RPH3AL: variants seen among roughly 807,000 people sequenced by gnomAD.
RPH3AL encodes rabphilin 3A like (without C2 domains).
In RPH3AL, 38 loss-of-function variants were observed where a neutral mutation model predicts 43.1. The observed-to-expected ratio is 0.88, with a 90% CI of 0.68 to 1.15. The LOEUF is 1.15. RPH3AL is among the 50% of genes most tolerant of loss of function. The pLI is 0.00. For missense variants in RPH3AL, 462 were observed against 423.2 expected (o/e 1.09, Z -0.81); for synonymous variants, 189 against 176.3 (o/e 1.07, Z -0.57).
Position 322,685 on chromosome 17 carries a change from G to A in RPH3AL, c.78-1270C>T, listed in dbSNP as rs937576498. Among the ~76,000 whole-genome samples the A allele has an allele frequency of 2.0e-5, 3 of 152,154 alleles. No homozygotes were observed. Among genetic ancestry groups the A allele is most frequent in the African/African-American group, 7.2e-5 (3 of 41,430 alleles). On this transcript the variant is annotated intron_variant, in intron 3 of 9. Transcript: ENST00000331302. This position sits in a 1 kb window ranked among gnomAD's most constrained non-coding sequence, Gnocchi z 4.0. The stretch of plus-strand genomic sequence containing the variant: ...GAGGCAGGACCTAGGGCAGCAGGCT[G>A]AGGGAGGCGGACCCTTTCCTGGGGG...
chr17:271,484 T>A (rs2042462233), intron 6 of RPH3AL, among the ~76,000 whole-genome samples: 1 of 152,186 alleles, frequency 6.6e-6, no homozygotes, highest in Admixed American at 6.6e-5. Flanking sequence ...CTTGAAGAGG[T>A]CCTTCACATC....
At chr17:269,558 C>T (rs76592077) in intron 6 of RPH3AL, among the ~76,000 whole-genome samples, 2,487 of 152,268 alleles carry the variant, frequency 0.016, 73 homozygotes, top group African/African-American at 0.055. Flanking sequence ...AAGACGCATC[C>T]GGCTTCATCC....
In RPH3AL at chr17:321,429, A is replaced by G; in HGVS notation, c.78-14T>C. 1 of 1,589,278 alleles carries G rather than the reference A, an allele frequency of 6.3e-7. No homozygotes were observed. The highest frequency in any genetic ancestry group is 8.6e-7 in the Non-Finnish European group (1 of 1,168,718). On this transcript the variant is annotated splice_polypyrimidine_tract_variant and intron_variant, in intron 3 of 9. Transcript: ENST00000331302. ...CCCGTCTGCAGCCTCGAGAGGGAACAGCACAGACGGCGTGGAGGCCTCCCC... is the reference window on the plus strand; with the variant it reads ...CCCGTCTGCAGCCTCGAGAGGGAACGGCACAGACGGCGTGGAGGCCTCCCC...
chr17:297,968 C>T (rs116674026), intron 5 of RPH3AL, among the ~76,000 whole-genome samples: 1,548 of 152,270 alleles, frequency 0.01, 12 homozygotes, highest in African/African-American at 0.024. Context: ...CCCTGGCCCC[C>T]ACCTCTCTCT....
intron 6 of RPH3AL, among the ~76,000 whole-genome samples, chr17:271,450 G>A (rs143298792): frequency 3.9e-5 from 6 of 152,054 alleles, no homozygotes; most frequent in East Asian, 1.9e-4. Flanking sequence ...CTCTTATTTT[G>A]TTGAGCAGTG....
chr17:319,599 C>G, intron 4 of RPH3AL, 50 bp from the exon 5 acceptor site: 1 of 1,600,860 alleles, frequency 6.2e-7, no homozygotes, highest in Non-Finnish European at 8.5e-7. Context: ...TGCCTGGGCA[C>G]AGTTGCACTG....
Position 215,386 on chromosome 17 carries a change from G to A in RPH3AL, c.876+268C>T, listed in dbSNP as rs1170246230. 1.2e-4 allele frequency among the ~76,000 whole-genome samples: 19 copies of A among 152,184 alleles called. No homozygotes were observed. The highest frequency in any genetic ancestry group is 3.3e-4 in the Admixed American group (5 of 15,286). On this transcript the variant is annotated intron_variant, in intron 9 of 9. Coordinates refer to ENST00000331302, the MANE Select transcript of RPH3AL (RefSeq NM_006987.4). This position sits in a 1 kb window ranked among gnomAD's most constrained non-coding sequence, Gnocchi z 4.1. Reference sequence around the variant, plus strand: ...ATGAAAGTTCGCCCCAGGGGAGCCCGACACGTTTTATGTAGCAGAGGATGG... The same window carrying A: ...ATGAAAGTTCGCCCCAGGGGAGCCCAACACGTTTTATGTAGCAGAGGATGG...
At chr17:257,041 A>G (rs1314548540) in intron 6 of RPH3AL, among the ~76,000 whole-genome samples, 1 of 19,564 alleles carries the variant, frequency 5.1e-5, no homozygotes, top group African/African-American at 1.5e-4. Flanking sequence ...TACCCTACGT[A>G]CTTCCTATGA....
At chr17:275,302 T>C (rs2042628113) in intron 6 of RPH3AL, among the ~76,000 whole-genome samples, 1 of 149,252 alleles carries the variant, frequency 6.7e-6, no homozygotes, top group Non-Finnish European at 1.5e-5. Context: ...GATAAATAGG[T>C]ACGTATTTTT....
chr17:335,259 ATGCAGGG>A (rs1350001952), intron 1 of RPH3AL, among the ~76,000 whole-genome samples: 2 of 152,132 alleles, frequency 1.3e-5, no homozygotes, highest in African/African-American at 4.8e-5. Context: ...AAAGGAAATG[ATGCAGGG>A]TGAACAGTGG....
intron 6 of RPH3AL, among the ~76,000 whole-genome samples, chr17:250,278 A>G (rs1555541925): frequency 9.3e-6 from 1 of 107,992 alleles, no homozygotes; most frequent in African/African-American, 3.7e-5. Context: ...GACCTCTCAG[A>G]GCCTTTACCA....
At chr17:249,857 T>A (rs2041846860) in intron 6 of RPH3AL, among the ~76,000 whole-genome samples, 1 of 149,926 alleles carries the variant, frequency 6.7e-6, no homozygotes, top group Admixed American at 6.6e-5. Context: ...CCAAGCTCCG[T>A]CGCTGCAGGA....
chr17:224,987 A>C (rs1332814590), intron 7 of RPH3AL, among the ~76,000 whole-genome samples: 1 of 141,082 alleles, frequency 7.1e-6, no homozygotes, highest in African/African-American at 2.6e-5. Flanking sequence ...GGGGGGAGGG[A>C]TAGCGTTAGG....
chr17:328,734 GATTATTATTTACAATGGATT>G lies in RPH3AL; in HGVS notation c.-36-1175_-36-1156del, dbSNP rs2044676713. On this transcript the variant is annotated intron_variant, in intron 2 of 9. Coordinates refer to ENST00000331302, the MANE Select transcript of RPH3AL (RefSeq NM_006987.4). The surrounding 1 kb of genome is among the most constrained non-coding windows in gnomAD (Gnocchi z 4.2). Reference sequence around the variant, plus strand: ...TTACAATGGATTATGATTTACAATGGATTATTATTTACAATGGATTATTATTATTTACAATGGAGTATGAT... The same window carrying G: ...TTACAATGGATTATGATTTACAATGGATTATTATTTACAATGGAGTATGAT... 6.6e-6 allele frequency among the ~76,000 whole-genome samples: 1 copy of G among 152,056 alleles called. No homozygotes were observed. Among genetic ancestry groups the G allele is most frequent in the African/African-American group, 2.4e-5 (1 of 41,386 alleles).
chr17:320,936 C>T lies in RPH3AL; in HGVS notation c.221+336G>A, dbSNP rs973351127. Among the ~76,000 whole-genome samples, 3 of 152,178 alleles carry T rather than the reference C, an allele frequency of 2.0e-5. No individual in the cohort carries two copies. In the East Asian group the frequency reaches 5.8e-4, roughly 29 times the overall value. The stretch of plus-strand genomic sequence containing the variant: ...CTGTGGCTTGGCCTCCACCTGAACC[C>T]CTCCCTTGGCTGAACCACAGCTGAC... On this transcript the variant is annotated intron_variant, in intron 4 of 9. Coordinates refer to ENST00000331302, the MANE Select transcript of RPH3AL (RefSeq NM_006987.4).
chr17:243,560 G>GCCCCTCCTCTACTGATTA (rs2041644472), intron 7 of RPH3AL, among the ~76,000 whole-genome samples: 1 of 96,990 alleles, frequency 1.0e-5, no homozygotes, highest in Non-Finnish European at 2.0e-5. Context: ...TCTACTGATT[G>GCCCCTCCTCTACTGATTA]CCCCTCCTCT....
intron 6 of RPH3AL, among the ~76,000 whole-genome samples, chr17:252,117 G>A (rs1269706708): frequency 6.6e-6 from 1 of 151,850 alleles, no homozygotes; most frequent in Non-Finnish European, 1.5e-5. Context: ...GACTATAGGT[G>A]GTGTGCGCCA....
At chr17:321,561 T>G in intron 3 of RPH3AL, 146 bp from the exon 4 acceptor site, 1 of 699,860 alleles carries the variant, frequency 1.4e-6, no homozygotes, top group Non-Finnish European at 2.0e-6. Flanking sequence ...GCAGCAGAGA[T>G]GGCCCAGGTG....
intron 5 of RPH3AL, among the ~76,000 whole-genome samples, chr17:285,483 G>A (rs2042885665): frequency 6.6e-6 from 1 of 152,168 alleles, no homozygotes; most frequent in South Asian, 2.1e-4. Context: ...TGCGGTTAGT[G>A]CAGCCCCTCG....
Sources: gnomAD v4.1 joint callset for allele counts (sites outside exome capture counted in the v4.1 genomes callset) on GRCh38, gnomAD v4.1.1 for gene constraint, Gnocchi (gnomAD v3.1) non-coding constraint, MANE v1.5 for transcripts, NCBI Gene and HGNC (gene_info 2026-07-23, HGNC 2026-07-21) for gene names.